The following C8orf88 variants were observed in gnomAD, a reference collection of about 807,000 sequenced individuals.
C8orf88 encodes the protein chromosome 8 open reading frame 88.
A neutral mutation model predicts 18.4 loss-of-function variants in C8orf88; 14 were observed. The ratio of observed to expected loss-of-function variants is 0.76; its 90% CI spans 0.50 to 1.19. C8orf88 has a LOEUF of 1.19. Ranked by LOEUF, C8orf88 falls within the 50% of genes most tolerant of loss-of-function variation. C8orf88 has a pLI of 0.00. For synonymous variants in C8orf88, 45 were observed against 42.9 expected (o/e 1.05, Z -0.19); for missense variants, 116 against 134.7 (o/e 0.86, Z 0.69).
chr8:90,970,162 T>C (rs1811263262), intron 4 of C8orf88, among the ~76,000 whole-genome samples: 1 of 151,974 alleles, frequency 6.6e-6, no homozygotes, highest in African/African-American at 2.4e-5. Context: ...GTCATAGTAG[T>C]ATAAAGAGTG....
chr8:90,984,526 T>C (rs1352487813), intron 1 of C8orf88, among the ~76,000 whole-genome samples: 1 of 151,966 alleles, frequency 6.6e-6, no homozygotes, highest in African/African-American at 2.4e-5. Flanking sequence ...GCTTGGAGAG[T>C]TCCAACATAT....
intron 4 of C8orf88, among the ~76,000 whole-genome samples, chr8:90,966,230 G>A (rs1037505583): frequency 5.3e-5 from 8 of 151,048 alleles, no homozygotes; most frequent in South Asian, 2.1e-4. Flanking sequence ...GGAAATCGTC[G>A]TTCTCAGTAA....
At chr8:90,973,102 A>G (rs1811305747) in intron 3 of C8orf88, among the ~76,000 whole-genome samples, 3 of 152,122 alleles carry the variant, frequency 2.0e-5, no homozygotes, top group Admixed American at 2.0e-4. Context: ...AAAGGCAGAA[A>G]AATAAAAGAG....
At position 90,968,657 on chromosome 8, in the gene C8orf88, CATATATATAT is replaced by C. The variant is rs34558575; in HGVS notation, c.223+2399_223+2408del. Among the ~76,000 whole-genome samples the C allele has an allele frequency of 4.1e-4, 30 of 72,818 alleles. 1 individual carries two copies. The highest frequency in any genetic ancestry group is 1.2e-3 in the South Asian group (2 of 1,674). 47.8% of individuals were successfully genotyped at this position (72,818 alleles called of 152,430 possible). A position where few individuals can be genotyped will look rare whatever the true frequency, so the allele number is the denominator to read the frequency against. ...TCTCCAGTAGAGAATGAAAAGACAA[CATATATATAT>C]ATATATATATATATATATGCACACA... On this transcript the variant is annotated intron_variant, in intron 4 of 5. Coordinates refer to ENST00000517562, the MANE Select transcript of C8orf88 (RefSeq NM_001190972.2).
intron 4 of C8orf88, among the ~76,000 whole-genome samples, chr8:90,968,982 T>A (rs971783118): frequency 1.3e-5 from 2 of 151,570 alleles, no homozygotes; most frequent in African/African-American, 4.8e-5. Context: ...ATAGCAAGAA[T>A]ATTGAGAGGT....
intron 5 of C8orf88, among the ~76,000 whole-genome samples, chr8:90,960,323 T>C: frequency 6.6e-6 from 1 of 151,430 alleles, no homozygotes; most frequent in East Asian, 1.9e-4. Context: ...TAACAGACCA[T>C]GCATACATTG....
At chr8:90,982,218 T>C (rs1811444277) in intron 1 of C8orf88, among the ~76,000 whole-genome samples, 1 of 151,930 alleles carries the variant, frequency 6.6e-6, no homozygotes. Flanking sequence ...CAATTGGATA[T>C]AACAAGATGA....
intron 4 of C8orf88, among the ~76,000 whole-genome samples, chr8:90,969,713 G>A (rs1811256953): frequency 6.6e-6 from 1 of 151,826 alleles, no homozygotes; most frequent in African/African-American, 2.4e-5. Context: ...GAAATTGGTA[G>A]TATTGTTGCA....
chr8:90,981,142 T>C (rs1811430120), intron 1 of C8orf88, among the ~76,000 whole-genome samples: 1 of 152,200 alleles, frequency 6.6e-6, no homozygotes. Context: ...TTTCAATTTA[T>C]ATATTATCAC....
At chr8:90,964,697 T>C (rs2740779) in intron 4 of C8orf88, among the ~76,000 whole-genome samples, 72,994 of 151,356 alleles carry the variant, frequency 0.48, 20,603 homozygotes, top group Non-Finnish European at 0.64. Context: ...TAATTATAAA[T>C]CTAGGTTGAT....
intron 4 of C8orf88, among the ~76,000 whole-genome samples, chr8:90,964,520 G>A (rs562502607): frequency 2.5e-4 from 38 of 151,636 alleles, no homozygotes; most frequent in African/African-American, 8.7e-4. Flanking sequence ...ATGCTAAAGG[G>A]AATCCTTCAG....
At chr8:90,960,486 T>C (rs942031247) in intron 5 of C8orf88, among the ~76,000 whole-genome samples, 2 of 151,298 alleles carry the variant, frequency 1.3e-5, no homozygotes, top group Non-Finnish European at 3.0e-5. Context: ...AAATAAAACT[T>C]TTAGAGTATG....
At chr8:90,968,131 G>C (rs1811229734) in intron 4 of C8orf88, among the ~76,000 whole-genome samples, 1 of 151,538 alleles carries the variant, frequency 6.6e-6, no homozygotes, top group African/African-American at 2.4e-5. Context: ...TTTGGAAAAA[G>C]AACAAAGTTA....
At chr8:90,971,384 A>T (rs1811281135) in intron 3 of C8orf88, among the ~76,000 whole-genome samples, 1 of 152,100 alleles carries the variant, frequency 6.6e-6, no homozygotes, top group African/African-American at 2.4e-5. Flanking sequence ...ATAAAACTAA[A>T]GATGAATTTT....
intron 5 of C8orf88, among the ~76,000 whole-genome samples, chr8:90,960,383 C>A (rs72662583): frequency 0.043 from 6,518 of 151,304 alleles, 226 homozygotes; most frequent in Non-Finnish European, 0.062. Flanking sequence ...TTTAAAATGA[C>A]TGGATATCTA....
intron 3 of C8orf88, among the ~76,000 whole-genome samples, chr8:90,976,879 T>C (rs1019507813): frequency 6.6e-6 from 1 of 152,114 alleles, no homozygotes; most frequent in Non-Finnish European, 1.5e-5. Context: ...AAAACATCTT[T>C]TAATTTTGGA....
intron 1 of C8orf88, among the ~76,000 whole-genome samples, chr8:90,981,753 G>A (rs911433005): frequency 8.6e-5 from 13 of 151,898 alleles, no homozygotes; most frequent in Non-Finnish European, 1.9e-4. Flanking sequence ...CTCTATAAAC[G>A]CTAAGTACCT....
chr8:90,976,440 A>C (rs967722378), intron 3 of C8orf88, among the ~76,000 whole-genome samples: 3 of 152,108 alleles, frequency 2.0e-5, no homozygotes, highest in Admixed American at 2.0e-4. Flanking sequence ...TAACATATTA[A>C]TTTTTTACAT....
At chr8:90,960,065 G>C (rs966914659) in intron 5 of C8orf88, among the ~76,000 whole-genome samples, 1 of 151,312 alleles carries the variant, frequency 6.6e-6, no homozygotes, top group East Asian at 1.9e-4. Context: ...GTCCAAGTTC[G>C]AACTACCGGT....
Sources: gnomAD v4.1 joint callset for allele counts (sites outside exome capture counted in the v4.1 genomes callset) on GRCh38, gnomAD v4.1.1 for gene constraint, MANE v1.5 for transcripts, NCBI Gene and HGNC (gene_info 2026-07-23, HGNC 2026-07-21) for gene names.